ADGB: variants seen among roughly 807,000 people sequenced by gnomAD.
ADGB encodes the protein androglobin.
In ADGB, 172 loss-of-function variants were observed where a neutral mutation model predicts 210.5. The observed-to-expected ratio is 0.82, with a 90% CI of 0.72 to 0.93. The LOEUF is 0.93. Ranked by LOEUF, ADGB falls within the 40% of genes least tolerant of loss-of-function variation. The probability of loss-of-function intolerance (pLI) is 0.00; values close to 1 mark genes in which losing one functional copy is unlikely to be tolerated. For missense variants in ADGB, 2,025 were observed against 1,964.8 expected, an observed-to-expected ratio of 1.03 and a Z score of -0.58; for synonymous variants, 658 against 662.7, an observed-to-expected ratio of 0.99 and a Z score of 0.11.
At chr6:146,665,127 G>A (rs765742309) in intron 6 of ADGB, among the ~76,000 whole-genome samples, 15 of 152,124 alleles carry the variant, frequency 9.9e-5, no homozygotes, top group African/African-American at 3.4e-4. Flanking sequence ...AAAGATTCTC[G>A]ATATTTAACA....
At chr6:146,710,044 T>C (rs1177930153) in intron 13 of ADGB, among the ~76,000 whole-genome samples, 1 of 151,750 alleles carries the variant, frequency 6.6e-6, no homozygotes, top group Non-Finnish European at 1.5e-5. Flanking sequence ...TTTTTATTTT[T>C]AATGTGGTTG....
intron 35 of ADGB, among the ~76,000 whole-genome samples, chr6:146,808,032 C>T (rs1778239491): frequency 7.9e-6 from 1 of 126,038 alleles, no homozygotes; most frequent in Non-Finnish European, 1.6e-5. Context: ...CTGAGTCTCA[C>T]TCTGTTGCCC....
intron 13 of ADGB, among the ~76,000 whole-genome samples, chr6:146,710,017 T>A (rs1388401960): frequency 6.6e-6 from 1 of 151,978 alleles, no homozygotes; most frequent in Non-Finnish European, 1.5e-5. Context: ...GAATATTGTG[T>A]CTTTGTATAA....
chr6:146,690,866 T>C (rs1293496495), intron 10 of ADGB, among the ~76,000 whole-genome samples: 1 of 152,178 alleles, frequency 6.6e-6, no homozygotes, highest in African/African-American at 2.4e-5. Context: ...TCCTTAAGCT[T>C]TTAGAACTGA....
intron 1 of ADGB, among the ~76,000 whole-genome samples, chr6:146,628,787 A>T (rs1299212412): frequency 6.6e-6 from 1 of 151,934 alleles, no homozygotes; most frequent in East Asian, 1.9e-4. Flanking sequence ...CACACTGGGC[A>T]CAATGTCCCC....
chr6:146,658,451 A>T (rs968749648), intron 5 of ADGB, among the ~76,000 whole-genome samples: 3 of 152,096 alleles, frequency 2.0e-5, no homozygotes, highest in African/African-American at 7.2e-5. Flanking sequence ...AAAAGCGAGG[A>T]GATAAAATGC....
intron 3 of ADGB, among the ~76,000 whole-genome samples, chr6:146,650,188 T>C (rs1775680228): frequency 6.6e-6 from 1 of 152,216 alleles, no homozygotes; most frequent in African/African-American, 2.4e-5. Flanking sequence ...GTTGTCATTT[T>C]TAAAAACATG....
At chr6:146,742,502 G>A (rs988429301) in intron 25 of ADGB, among the ~76,000 whole-genome samples, 4 of 151,746 alleles carry the variant, frequency 2.6e-5, no homozygotes, top group African/African-American at 9.7e-5. Context: ...GTATTTTTGT[G>A]CAGTTATCTA....
At chr6:146,684,740 T>G (rs1452025211) in intron 9 of ADGB, among the ~76,000 whole-genome samples, 2 of 152,062 alleles carry the variant, frequency 1.3e-5, no homozygotes, top group African/African-American at 4.8e-5. Context: ...CAACTAACTT[T>G]GGATTAAAAG....
intron 13 of ADGB, among the ~76,000 whole-genome samples, chr6:146,704,928 G>A (rs996990128): frequency 1.3e-5 from 2 of 152,042 alleles, no homozygotes; most frequent in African/African-American, 2.4e-5. Context: ...GGCTAGTACA[G>A]CCATTTTAAC....
At chr6:146,724,443 T>C in intron 18 of ADGB, 116 bp downstream of exon 18, 1 of 1,062,320 alleles carries the variant, frequency 9.4e-7, no homozygotes, top group Non-Finnish European at 1.3e-6. Flanking sequence ...AAGCAATTTC[T>C]CAAGGCATAG....
At chr6:146,802,191 TCCCTAAAATCC>T (rs1203450466) in intron 35 of ADGB, among the ~76,000 whole-genome samples, 180 bp downstream of exon 35, 4 of 152,084 alleles carry the variant, frequency 2.6e-5, no homozygotes, top group South Asian at 2.1e-4. Flanking sequence ...TCTCACTCCC[TCCCTAAAATCC>T]CCCTAAAATG....
At chr6:146,620,037 TG>T (rs1330465117) in intron 1 of ADGB, among the ~76,000 whole-genome samples, 1 of 152,158 alleles carries the variant, frequency 6.6e-6, no homozygotes, top group Non-Finnish European at 1.5e-5. Context: ...AAGATTGCTT[TG>T]CTGGGTATAA....
intron 7 of ADGB, among the ~76,000 whole-genome samples, chr6:146,671,316 A>G (rs532922331): frequency 6.6e-6 from 1 of 152,138 alleles, no homozygotes; most frequent in South Asian, 2.1e-4. Flanking sequence ...GGGTCTTCTG[A>G]GGGCTTCTGC....
chr6:146,626,172 T>TA (rs1252969521), intron 1 of ADGB, among the ~76,000 whole-genome samples: 1 of 152,000 alleles, frequency 6.6e-6, no homozygotes, highest in Non-Finnish European at 1.5e-5. Context: ...ACATAGAATA[T>TA]AAAAAACATT....
chr6:146,781,425 A>T (rs544424447), intron 29 of ADGB, among the ~76,000 whole-genome samples: 17 of 151,978 alleles, frequency 1.1e-4, no homozygotes, highest in Admixed American at 5.2e-4. Context: ...AACCAATGGA[A>T]CAGAGAAGAA....
At chr6:146,631,337 A>G (rs1323429824) in intron 1 of ADGB, among the ~76,000 whole-genome samples, 1 of 152,152 alleles carries the variant, frequency 6.6e-6, no homozygotes, top group Non-Finnish European at 1.5e-5. Flanking sequence ...ATTTTGTGGT[A>G]TAACCATTTT....
intron 33 of ADGB, among the ~76,000 whole-genome samples, chr6:146,791,857 C>T (rs1206717598): frequency 6.6e-6 from 1 of 150,968 alleles, no homozygotes. Context: ...CTCCTGGGCT[C>T]AAGCAGTTCT....
Position 146,801,190 on chromosome 6 carries a change from A to C in ADGB, c.4545A>C (p.Gly1515=). The C allele has an allele frequency of 6.7e-7, 1 of 1,482,526 alleles. No homozygotes were observed. The highest frequency in any genetic ancestry group is 9.0e-7 in the Non-Finnish European group (1 of 1,114,644). 91.8% of individuals were successfully genotyped at this position (1,482,526 alleles called of 1,614,324 possible). A position where few individuals can be genotyped will look rare whatever the true frequency, so the allele number is the denominator to read the frequency against. ...QSTRKENIQT[G]PRTRSPTILE... Reference sequence around the variant, plus strand: ...TGTGTGTTTTTTTTAAAGAAACAGGACCTCGTACACGATCTCCAACAATTT... The same window carrying C: ...TGTGTGTTTTTTTTAAAGAAACAGGCCCTCGTACACGATCTCCAACAATTT... The change falls in exon 34 of 36, where the codon GGA becomes GGC. Residue 1515 remains glycine (G), a synonymous_variant. Transcript: ENST00000397944.
Sources: gnomAD v4.1 joint callset for allele counts (sites outside exome capture counted in the v4.1 genomes callset) on GRCh38, gnomAD v4.1.1 for gene constraint, MANE v1.5 for transcripts, NCBI Gene and HGNC (gene_info 2026-07-23, HGNC 2026-07-21) for gene names.